PPARGC1A: variants seen among roughly 807,000 people sequenced by gnomAD.
The protein encoded by PPARGC1A is peroxisome proliferator-activated receptor gamma coactivator 1-alpha.
A neutral mutation model predicts 88.7 loss-of-function variants in PPARGC1A; 25 were observed. The ratio of observed to expected loss-of-function variants is 0.28; its 90% confidence interval spans 0.21 to 0.39. PPARGC1A has a LOEUF of 0.39. PPARGC1A is among the 10% of genes least tolerant of loss of function. The probability of loss-of-function intolerance (pLI) is 1.00; values close to 1 mark genes in which losing one functional copy is unlikely to be tolerated. For missense variants in PPARGC1A, 880 were observed against 968.7 expected, an observed-to-expected ratio of 0.91 and a Z score of 1.22; for synonymous variants, 363 against 355.6, an observed-to-expected ratio of 1.02 and a Z score of -0.24.
the PPARGC1A span, among the ~76,000 whole-genome samples, chr4:24,215,137 T>A: frequency 6.6e-6 from 1 of 152,184 alleles, no homozygotes; most frequent in Admixed American, 6.5e-5. Context: ...GAAAAGGCCC[T>A]GCCTCCCAGC....
At chr4:24,044,890 C>T in the PPARGC1A span, among the ~76,000 whole-genome samples, 2 of 152,162 alleles carry the variant, frequency 1.3e-5, no homozygotes, top group Non-Finnish European at 2.9e-5. Context: ...AGAAAAACTC[C>T]TTATTTGCAC....
chr4:23,963,415 C>G, the PPARGC1A span, among the ~76,000 whole-genome samples: 1 of 152,212 alleles, frequency 6.6e-6, no homozygotes, highest in Admixed American at 6.5e-5. Flanking sequence ...GAGTGCTCAG[C>G]AGAGTGAATG....
the PPARGC1A span, among the ~76,000 whole-genome samples, chr4:24,232,390 T>G: frequency 2.6e-5 from 4 of 152,206 alleles, no homozygotes; most frequent in African/African-American, 9.7e-5. Context: ...AGCCTCCAAT[T>G]TGTGACTCTA....
chr4:23,909,915 A>G, the PPARGC1A span, among the ~76,000 whole-genome samples: 2 of 151,076 alleles, frequency 1.3e-5, no homozygotes, highest in Admixed American at 6.6e-5. Context: ...GGGAAATACA[A>G]AGAAATATGA....
the PPARGC1A span, among the ~76,000 whole-genome samples, chr4:24,070,527 G>A: frequency 1.3e-5 from 2 of 152,122 alleles, no homozygotes; most frequent in Admixed American, 1.3e-4. Context: ...GCTGGCCTAC[G>A]AAAAACAAAG....
chr4:23,837,657 G>A (rs955664946), intron 2 of PPARGC1A, among the ~76,000 whole-genome samples: 8 of 152,156 alleles, frequency 5.3e-5, no homozygotes, highest in Non-Finnish European at 8.8e-5. Flanking sequence ...ATTAGGAAAG[G>A]AAATCTGCTA....
chr4:24,214,921 C>G, the PPARGC1A span, among the ~76,000 whole-genome samples: 4 of 152,156 alleles, frequency 2.6e-5, no homozygotes, highest in Non-Finnish European at 5.9e-5. Flanking sequence ...TGTATTTATG[C>G]AAACACCAAG....
At chr4:24,127,799 T>C in the PPARGC1A span, among the ~76,000 whole-genome samples, 7 of 152,160 alleles carry the variant, frequency 4.6e-5, no homozygotes, top group Non-Finnish European at 8.8e-5. Context: ...ACACGGCTAG[T>C]ACATTAGTAC....
chr4:24,164,294 G>A, the PPARGC1A span, among the ~76,000 whole-genome samples: 1 of 150,824 alleles, frequency 6.6e-6, no homozygotes, highest in East Asian at 1.9e-4. Context: ...CAGTTGCTGG[G>A]ACAGAGCAGG....
At chr4:23,896,674 A>C (rs2148869961) in intron 1 of PPARGC1A, among the ~76,000 whole-genome samples, 1 of 152,328 alleles carries the variant, frequency 6.6e-6, no homozygotes, top group Non-Finnish European at 1.5e-5. Flanking sequence ...TCAATTGTAA[A>C]GTCAATTTTC....
the PPARGC1A span, among the ~76,000 whole-genome samples, chr4:24,468,013 T>A: frequency 1.3e-4 from 20 of 152,328 alleles, no homozygotes; most frequent in East Asian, 5.8e-4. Context: ...AAGTCAGATG[T>A]CTGGCCTCAT....
the PPARGC1A span, among the ~76,000 whole-genome samples, chr4:23,992,062 A>T: frequency 6.6e-6 from 1 of 152,036 alleles, no homozygotes; most frequent in African/African-American, 2.4e-5. Flanking sequence ...CATTCACTGA[A>T]CAACATAATA....
chr4:24,454,729 C>A, the PPARGC1A span, among the ~76,000 whole-genome samples: 1 of 140,632 alleles, frequency 7.1e-6, no homozygotes, highest in East Asian at 2.0e-4. Flanking sequence ...TAGAAAGAGA[C>A]CTTGTCTCAA....
the PPARGC1A span, among the ~76,000 whole-genome samples, chr4:24,394,412 C>G: frequency 6.6e-6 from 1 of 152,088 alleles, no homozygotes; most frequent in Non-Finnish European, 1.5e-5. Flanking sequence ...TCTAGGGACC[C>G]TGAAGTTCAT....
the PPARGC1A span, among the ~76,000 whole-genome samples, chr4:23,913,259 TATATATATAGAGAGAGAGAGAGAGAG>T: frequency 2.0e-5 from 1 of 49,028 alleles, no homozygotes; most frequent in African/African-American, 7.0e-5. Flanking sequence ...TATATATATA[TATATATATAGAGAGAGAGAGAGAGAG>T]AGAGAGAGAG....
At chr4:23,890,875 A>G (rs1481214121), upstream of PPARGC1A, among the ~76,000 whole-genome samples, 3 of 152,128 alleles carry the variant, frequency 2.0e-5, no homozygotes, top group African/African-American at 2.4e-5. Context: ...TGCTCTGCTC[A>G]GATCAGCTTT....
the PPARGC1A span, among the ~76,000 whole-genome samples, chr4:24,431,609 C>T: frequency 3.9e-5 from 6 of 152,246 alleles, no homozygotes; most frequent in East Asian, 3.9e-4. Flanking sequence ...CCAGAAAGAC[C>T]GTCGAATGTG....
At chr4:24,027,217 G>C in the PPARGC1A span, among the ~76,000 whole-genome samples, 1 of 148,728 alleles carries the variant, frequency 6.7e-6, no homozygotes, top group Non-Finnish European at 1.5e-5. Flanking sequence ...GTGTGTGTGT[G>C]TCTGTGTGTC....
the PPARGC1A span, among the ~76,000 whole-genome samples, chr4:23,992,008 T>C: frequency 6.6e-6 from 1 of 152,124 alleles, no homozygotes; most frequent in African/African-American, 2.4e-5. Flanking sequence ...TTACAGGTAC[T>C]GCATTTGGGA....
Sources: gnomAD v4.1 joint callset for allele counts (sites outside exome capture counted in the v4.1 genomes callset) on GRCh38, gnomAD v4.1.1 for gene constraint, MANE v1.5 for transcripts, NCBI Gene and HGNC (gene_info 2026-07-23, HGNC 2026-07-21) for gene names.